APBB2: variants seen among roughly 807,000 people sequenced by gnomAD.
The protein encoded by APBB2 is amyloid beta precursor protein binding family B member 2, also known as Fe65-like 1.
A neutral mutation model predicts 82.5 loss-of-function variants in APBB2; 38 were observed. That is an observed-to-expected ratio of 0.46 (90% CI 0.36 to 0.60). APBB2 has a LOEUF of 0.60. Among genes scored for constraint, APBB2 ranks in the 20% least tolerant of loss-of-function variants. The pLI is 0.00. For missense variants in APBB2, 772 were observed against 972.3 expected, an observed-to-expected ratio of 0.79 and a Z score of 2.74; for synonymous variants, 341 against 368.2, an observed-to-expected ratio of 0.93 and a Z score of 0.85.
At chr4:40,989,171 G>A (rs982277964) in intron 6 of APBB2, among the ~76,000 whole-genome samples, 6 of 152,032 alleles carry the variant, frequency 3.9e-5, no homozygotes, top group South Asian at 4.2e-4. Context: ...TAACAGTCTC[G>A]TATAGGAGGC....
intron 1 of APBB2, among the ~76,000 whole-genome samples, chr4:41,187,491 G>T (rs1489556205): frequency 6.6e-6 from 1 of 152,026 alleles, no homozygotes; most frequent in East Asian, 1.9e-4. Flanking sequence ...AATGACCATG[G>T]GCTATGAATT....
chr4:40,982,309 A>AAGGAAGGAAG (rs1560447022), intron 6 of APBB2, among the ~76,000 whole-genome samples: 1 of 26,778 alleles, frequency 3.7e-5, no homozygotes, highest in African/African-American at 9.7e-5. Context: ...AAGGAAGGAA[A>AAGGAAGGAAG]GAAAGAAAGA....
chr4:41,110,764 GT>G (rs924411635), intron 2 of APBB2, among the ~76,000 whole-genome samples: 2 of 152,162 alleles, frequency 1.3e-5, no homozygotes, highest in Non-Finnish European at 2.9e-5. Flanking sequence ...GGTATAGTAT[GT>G]TCTAGAGCAG....
At chr4:40,853,199 G>C (rs1760042709) in intron 12 of APBB2, among the ~76,000 whole-genome samples, 1 of 151,928 alleles carries the variant, frequency 6.6e-6, no homozygotes, top group Non-Finnish European at 1.5e-5. Context: ...ATCTCTCCTG[G>C]ACTAGGGCTA....
chr4:40,821,290 T>C (rs1747839069), intron 17 of APBB2, among the ~76,000 whole-genome samples: 1 of 152,220 alleles, frequency 6.6e-6, no homozygotes, highest in African/African-American at 2.4e-5. Context: ...TAAAGAGCTC[T>C]GACTTTGTCA....
chr4:40,934,365 G>A, intron 10 of APBB2, 91 bp downstream of exon 10: 1 of 1,287,572 alleles, frequency 7.8e-7, no homozygotes, highest in Non-Finnish European at 1.1e-6. Flanking sequence ...ATGGCTCTGG[G>A]TTGATGGTTT....
At chr4:40,877,391 G>GTAAA (rs1359396819) in intron 12 of APBB2, among the ~76,000 whole-genome samples, 14 of 152,172 alleles carry the variant, frequency 9.2e-5, no homozygotes, top group Non-Finnish European at 1.5e-5. Flanking sequence ...CTCAGATGCT[G>GTAAA]TTTATGGACT....
At chr4:40,855,924 C>G (rs1761052426) in intron 12 of APBB2, among the ~76,000 whole-genome samples, 1 of 152,174 alleles carries the variant, frequency 6.6e-6, no homozygotes, top group Admixed American at 6.5e-5. Context: ...CAAACACATT[C>G]TGCTTCTAAC....
At chr4:41,168,202 G>GAGCCTGCAGTGAGCCGA (rs68125035) in intron 1 of APBB2, among the ~76,000 whole-genome samples, 22 of 149,874 alleles carry the variant, frequency 1.5e-4, no homozygotes, top group Admixed American at 1.1e-3. Flanking sequence ...CCGGGAGGCG[G>GAGCCTGCAGTGAGCCGA]AGCCTGCAGT....
intron 12 of APBB2, among the ~76,000 whole-genome samples, chr4:40,872,445 A>C (rs1400822573): frequency 2.0e-5 from 3 of 152,208 alleles, no homozygotes; most frequent in African/African-American, 7.2e-5. Context: ...GTCATGTTAG[A>C]AAGTGCTTCA....
At chr4:40,865,198 G>A (rs1205613413) in intron 12 of APBB2, among the ~76,000 whole-genome samples, 8 of 152,012 alleles carry the variant, frequency 5.3e-5, no homozygotes, top group South Asian at 2.1e-4. Context: ...CCCACTCAAC[G>A]CCCTGGCTTG....
intron 2 of APBB2, among the ~76,000 whole-genome samples, chr4:41,129,420 C>T (rs1335558914): frequency 6.6e-6 from 1 of 152,206 alleles, no homozygotes; most frequent in Non-Finnish European, 1.5e-5. Context: ...GTCATCACCT[C>T]TCCCCTACCT....
chr4:41,007,221 A>G (rs1007000232), intron 6 of APBB2, among the ~76,000 whole-genome samples: 1 of 151,956 alleles, frequency 6.6e-6, no homozygotes, highest in African/African-American at 2.4e-5. Flanking sequence ...TGTCTTTATG[A>G]GAAGAGGAAG....
intron 2 of APBB2, among the ~76,000 whole-genome samples, chr4:41,107,017 A>T (rs1030752770): frequency 6.6e-6 from 1 of 152,168 alleles, no homozygotes; most frequent in African/African-American, 2.4e-5. Flanking sequence ...GAACAAAAAA[A>T]AAAAGATGTT....
At chr4:40,990,492 C>T in intron 6 of APBB2, among the ~76,000 whole-genome samples, 1 of 152,202 alleles carries the variant, frequency 6.6e-6, no homozygotes. Flanking sequence ...GCCATAACCG[C>T]TTTTCACACA....
At chr4:41,080,139 C>T (rs1390525369) in intron 3 of APBB2, among the ~76,000 whole-genome samples, 1 of 152,186 alleles carries the variant, frequency 6.6e-6, no homozygotes, top group Non-Finnish European at 1.5e-5. Context: ...TATGAAAATG[C>T]AAACCAAGGC....
chr4:41,002,103 C>T (rs906593250), intron 6 of APBB2, among the ~76,000 whole-genome samples: 5 of 152,072 alleles, frequency 3.3e-5, no homozygotes, highest in African/African-American at 1.2e-4. Flanking sequence ...CTGTTTTGCA[C>T]CCAAGGGTTC....
intron 1 of APBB2, among the ~76,000 whole-genome samples, chr4:41,158,742 G>A (rs574382403): frequency 5.9e-4 from 90 of 152,240 alleles, no homozygotes; most frequent in African/African-American, 2.0e-3. Flanking sequence ...GCACAAACCA[G>A]AAATACATTT....
chr4:40,982,383 GAA>G (rs1799143363), intron 6 of APBB2, among the ~76,000 whole-genome samples: 1 of 14,832 alleles, frequency 6.7e-5, no homozygotes, highest in Non-Finnish European at 1.3e-4. Flanking sequence ...AGGAAGGAAG[GAA>G]GGAAGGAAAG....
Sources: gnomAD v4.1 joint callset for allele counts (sites outside exome capture counted in the v4.1 genomes callset) on GRCh38, gnomAD v4.1.1 for gene constraint, MANE v1.5 for transcripts, NCBI Gene and HGNC (gene_info 2026-07-23, HGNC 2026-07-21) for gene names.